The following PEBP4 variants were observed in gnomAD, a reference collection of about 807,000 sequenced individuals.
The protein encoded by PEBP4 is phosphatidylethanolamine binding protein 4, also known as phosphatidylethanolamine-binding protein 4.
In PEBP4, 22 loss-of-function variants were observed where a neutral mutation model predicts 23.9. The ratio of observed to expected loss-of-function variants is 0.92; its 90% CI spans 0.66 to 1.31. The LOEUF (loss-of-function observed/expected upper bound fraction) is 1.31, where lower values mean the gene tolerates loss of function less well. Among genes scored for constraint, PEBP4 ranks in the 40% most tolerant of loss-of-function variants. PEBP4 has a pLI of 0.00. For missense variants in PEBP4, 324 were observed against 281.7 expected (o/e 1.15, Z -1.07); for synonymous variants, 112 against 99.3 (o/e 1.13, Z -0.76).
intron 4 of PEBP4, among the ~76,000 whole-genome samples, chr8:22,735,952 C>T (rs547699468): frequency 6.6e-6 from 1 of 152,364 alleles, no homozygotes; most frequent in South Asian, 2.1e-4. Context: ...TTCCCTGGAT[C>T]CTACCACATA....
intron 3 of PEBP4, among the ~76,000 whole-genome samples, chr8:22,907,798 T>G (rs1033422626): frequency 6.6e-6 from 1 of 151,770 alleles, no homozygotes; most frequent in African/African-American, 2.4e-5. Context: ...CAGGCAGAGG[T>G]GGTGGCAGGG....
In PEBP4 at chr8:22,740,254, A is replaced by G. The variant is rs1804961310; in HGVS notation, c.358-13034T>C. Among the ~76,000 whole-genome samples, 3 of 152,234 alleles carry G rather than the reference A, an allele frequency of 2.0e-5. No individual in the cohort carries two copies. In the South Asian group the frequency reaches 6.2e-4, roughly 31 times the overall value. On this transcript the variant is annotated intron_variant, in intron 4 of 6. Coordinates refer to ENST00000256404, the MANE Select transcript of PEBP4 (RefSeq NM_144962.3). The stretch of plus-strand genomic sequence containing the variant: ...GATGCTGGCGAGATTTGGAAGCTCT[A>G]AGAAACCCTGTGCTCATTAGAAAGT...
rs554198182 is a variant in PEBP4, at chr8:22,922,781, C to T, written c.132-2471G>A. Among the ~76,000 whole-genome samples the T allele has an allele frequency of 2.7e-5, 4 of 147,860 alleles. No individual in the cohort carries two copies. In the East Asian group the frequency reaches 8.4e-4, roughly 31 times the overall value. The stretch of plus-strand genomic sequence containing the variant: ...TCAAAGGTGCCACCTTCCTGTGTGC[C>T]CTTGCTGCTTGTGGTTTACCTGACA... On this transcript the variant is annotated intron_variant, in intron 2 of 6. Coordinates refer to ENST00000256404, the MANE Select transcript of PEBP4 (RefSeq NM_144962.3).
intron 4 of PEBP4, among the ~76,000 whole-genome samples, chr8:22,747,022 C>CGG (rs55785011): frequency 6.6e-6 from 1 of 151,908 alleles, no homozygotes. Context: ...TTTTTAGAGA[C>CGG]GGGGGTCTCA....
intron 3 of PEBP4, among the ~76,000 whole-genome samples, chr8:22,857,844 CAG>C (rs1807687408): frequency 6.6e-6 from 1 of 152,132 alleles, no homozygotes; most frequent in African/African-American, 2.4e-5. Context: ...TGGAGAAGAA[CAG>C]GGGGCAAGGG....
At chr8:22,815,792 C>T (rs1420206306) in intron 4 of PEBP4, among the ~76,000 whole-genome samples, 1 of 152,168 alleles carries the variant, frequency 6.6e-6, no homozygotes, top group East Asian at 1.9e-4. Flanking sequence ...AATTCATGTT[C>T]GTTGTACAGA....
intron 3 of PEBP4, among the ~76,000 whole-genome samples, chr8:22,848,663 G>GGA (rs564206447): frequency 6.6e-5 from 10 of 152,102 alleles, no homozygotes; most frequent in Non-Finnish European, 1.2e-4. Flanking sequence ...GTGGGAGGGA[G>GGA]GAGAGAGAGT....
At chr8:22,829,609 C>T (rs1041604092) in intron 3 of PEBP4, among the ~76,000 whole-genome samples, 4 of 152,154 alleles carry the variant, frequency 2.6e-5, no homozygotes, top group Non-Finnish European at 5.9e-5. Flanking sequence ...GGCTCAGGCC[C>T]CAGGAAGGAA....
At chr8:22,779,100 T>G (rs1805869665) in intron 4 of PEBP4, among the ~76,000 whole-genome samples, 1 of 151,388 alleles carries the variant, frequency 6.6e-6, no homozygotes, top group Non-Finnish European at 1.5e-5. Flanking sequence ...GGGATGGGGT[T>G]TCCTCACCAA....
chr8:22,718,486 C>A (rs1321024578), intron 6 of PEBP4, among the ~76,000 whole-genome samples: 1 of 152,214 alleles, frequency 6.6e-6, no homozygotes, highest in Non-Finnish European at 1.5e-5. Context: ...TGGACTGGGA[C>A]TTGCTTCTTG....
In PEBP4 at chr8:22,914,813, T is replaced by C. The variant is rs552481133; in HGVS notation, c.258+5371A>G. Reference sequence around the variant, plus strand: ...GTTTCTGTGCAGAAGTCGGTGCCAATGGCTGCCATCCCTGTAAAAAACCCA... The same window carrying C: ...GTTTCTGTGCAGAAGTCGGTGCCAACGGCTGCCATCCCTGTAAAAAACCCA... On this transcript the variant is annotated intron_variant, in intron 3 of 6. Coordinates refer to ENST00000256404, the MANE Select transcript of PEBP4 (RefSeq NM_144962.3). 3.3e-5 allele frequency among the ~76,000 whole-genome samples: 5 copies of C among 152,222 alleles called. No homozygotes were observed. The East Asian group carries it at 9.7e-4, about 29-fold the overall frequency.
intron 3 of PEBP4, among the ~76,000 whole-genome samples, chr8:22,888,744 G>A (rs1348816265): frequency 6.6e-6 from 1 of 152,220 alleles, no homozygotes. Context: ...AGTGTTCTGG[G>A]CCTCTGCCAC....
At chr8:22,805,005 T>G (rs1806466126) in intron 4 of PEBP4, among the ~76,000 whole-genome samples, 1 of 152,096 alleles carries the variant, frequency 6.6e-6, no homozygotes, top group Non-Finnish European at 1.5e-5. Flanking sequence ...TTCTCCCCGC[T>G]CTCCTTCTCA....
chr8:22,845,000 G>A (rs1402550963), intron 3 of PEBP4, among the ~76,000 whole-genome samples: 1 of 152,204 alleles, frequency 6.6e-6, no homozygotes, highest in Admixed American at 6.5e-5. Context: ...GCCCCATGCA[G>A]GCAGGGCCCC....
chr8:22,761,004 G>A (rs1476944444), intron 4 of PEBP4, among the ~76,000 whole-genome samples: 1 of 152,180 alleles, frequency 6.6e-6, no homozygotes, highest in African/African-American at 2.4e-5. Context: ...ATAGTAGCCT[G>A]ACTTCCCAGA....
chr8:22,826,886 T>A (rs911834427), intron 3 of PEBP4, among the ~76,000 whole-genome samples: 20 of 152,220 alleles, frequency 1.3e-4, no homozygotes, highest in Admixed American at 1.2e-3. Context: ...TAAACCAAAC[T>A]TATAAAATAA....
chr8:22,749,768 T>C (rs1040971810), intron 4 of PEBP4, among the ~76,000 whole-genome samples: 1 of 149,302 alleles, frequency 6.7e-6, no homozygotes, highest in Non-Finnish European at 1.5e-5. Flanking sequence ...GCAGTGTGGA[T>C]CTACAACCCA....
intron 4 of PEBP4, among the ~76,000 whole-genome samples, chr8:22,780,729 G>A (rs541374283): frequency 7.2e-5 from 11 of 152,204 alleles, no homozygotes; most frequent in Non-Finnish European, 1.3e-4. Context: ...GTGGACAGAG[G>A]GCACTAAAGT....
chr8:22,856,844 C>T (rs1180627684), intron 3 of PEBP4, among the ~76,000 whole-genome samples: 3 of 152,062 alleles, frequency 2.0e-5, no homozygotes, highest in African/African-American at 7.2e-5. Flanking sequence ...AAGATTTAGG[C>T]CTCAGTTTTC....
Sources: gnomAD v4.1 joint callset for allele counts (sites outside exome capture counted in the v4.1 genomes callset) on GRCh38, gnomAD v4.1.1 for gene constraint, MANE v1.5 for transcripts, NCBI Gene and HGNC (gene_info 2026-07-23, HGNC 2026-07-21) for gene names.